ADCY3: variants seen among roughly 807,000 people sequenced by gnomAD.
The protein encoded by ADCY3 is adenylate cyclase 3, also known as adenylate cyclase type 3.
A neutral mutation model predicts 119.4 loss-of-function variants in ADCY3; 70 were observed. The ratio of observed to expected loss-of-function variants is 0.59; its 90% CI spans 0.48 to 0.72. The LOEUF (loss-of-function observed/expected upper bound fraction) is 0.72, where lower values mean the gene tolerates loss of function less well. ADCY3 is among the 30% of genes least tolerant of loss of function. The pLI, the probability that ADCY3 is intolerant of heterozygous loss-of-function variation, is 0.00. For synonymous variants in ADCY3, 672 were observed against 621.4 expected, an observed-to-expected ratio of 1.08 and a Z score of -1.21; for missense variants, 1,238 against 1,541.6, an observed-to-expected ratio of 0.80 and a Z score of 3.30.
At chr2:24,877,833 C>T (rs1483277119) in intron 2 of ADCY3, 9 of 465,544 alleles carry the variant, frequency 1.9e-5, no homozygotes, top group South Asian at 7.8e-5. Flanking sequence ...AGACAGCTGG[C>T]GCTCGAAGCC....
At chr2:24,820,981 G>C (rs759943827) in intron 20 of ADCY3, 133 bp from the exon 21 acceptor site, 5 of 1,316,774 alleles carry the variant, frequency 3.8e-6, no homozygotes, top group Admixed American at 2.3e-5. Flanking sequence ...CAACTTGGCT[G>C]TATGCTATTG....
Position 24,841,450 on chromosome 2 carries a change from A to G in ADCY3, c.1069-64T>C. On this transcript the variant is annotated intron_variant, in intron 5 of 21. Coordinates refer to ENST00000679454, the MANE Select transcript of ADCY3 (RefSeq NM_004036.5). This position sits in a 1 kb window ranked among gnomAD's most constrained non-coding sequence, Gnocchi z 5.8. Reference sequence around the variant, plus strand: ...TCAGTGAGGGAGGAGTGGCCAAGAAAGCAGAGGAAGGACAGTGGGAGAAAA... The same window carrying G: ...TCAGTGAGGGAGGAGTGGCCAAGAAGGCAGAGGAAGGACAGTGGGAGAAAA... 6.3e-7 allele frequency: 1 copy of G among 1,597,246 alleles called. No homozygotes were observed. The highest frequency in any genetic ancestry group is 8.5e-7 in the Non-Finnish European group (1 of 1,170,572).
chr2:24,831,358 C>T (rs78818387), intron 12 of ADCY3, among the ~76,000 whole-genome samples: 4,102 of 152,336 alleles, frequency 0.027, 85 homozygotes, highest in Non-Finnish European at 0.039. Flanking sequence ...TCCACTTCCT[C>T]TCTACCCAGG....
At chr2:24,917,508 T>G (rs1430203438) in intron 2 of ADCY3, among the ~76,000 whole-genome samples, 1 of 152,202 alleles carries the variant, frequency 6.6e-6, no homozygotes, top group Admixed American at 6.5e-5. Context: ...TCAGGTCCCC[T>G]GGTCTCTGCA....
intron 6 of ADCY3, 92 bp from the exon 7 acceptor site, chr2:24,840,123 C>T: frequency 6.7e-7 from 1 of 1,498,518 alleles, no homozygotes; most frequent in South Asian, 1.3e-5. Flanking sequence ...CATTGTGGGC[C>T]TCTTCCCCTC....
intron 16 of ADCY3, among the ~76,000 whole-genome samples, chr2:24,825,186 G>A (rs1668402037): frequency 6.6e-6 from 1 of 152,126 alleles, no homozygotes. Context: ...CGCCATTTGG[G>A]TAAGAAGTGG....
Position 24,873,010 on chromosome 2 carries a change from TC to T in ADCY3, c.676-292del, listed in dbSNP as rs569841456. ...TCAAGCCTGGCTGAGGGGCTGTGGA[TC>T]CCCCCTCCGGCTTCCCAACAAAGCA... On this transcript the variant is annotated intron_variant, in intron 2 of 21. Transcript: ENST00000679454. Among the ~76,000 whole-genome samples, 165 of 152,220 alleles carry T rather than the reference TC, an allele frequency of 1.1e-3. 1 individual carries two copies. The highest frequency in any genetic ancestry group is 3.6e-3 in the African/African-American group (148 of 41,550).
At chr2:24,904,289 G>T (rs1479342554) in intron 2 of ADCY3, among the ~76,000 whole-genome samples, 1 of 152,180 alleles carries the variant, frequency 6.6e-6, no homozygotes, top group Non-Finnish European at 1.5e-5. Flanking sequence ...CAACACTTTG[G>T]AAGGCCCAAA....
At position 24,842,426 on chromosome 2, in the gene ADCY3, G is replaced by A. The variant is rs1355450985; in HGVS notation, c.826-42C>T. On this transcript the variant is annotated intron_variant, in intron 3 of 21. Transcript: ENST00000679454. The surrounding 1 kb of genome is among the most constrained non-coding windows in gnomAD (Gnocchi z 4.9). ...AGGGTCAGAGGCAAAGGTAGGCCCT[G>A]CTAGAGGCAAGTTCAGATACTTCTG... 5 of 1,612,578 alleles carry A rather than the reference G, an allele frequency of 3.1e-6. No individual in the cohort carries two copies. Among genetic ancestry groups the A allele is most frequent in the Non-Finnish European group, 3.4e-6 (4 of 1,179,324 alleles).
chr2:24,848,354 A>G (rs1393448730), intron 3 of ADCY3, among the ~76,000 whole-genome samples: 1 of 152,234 alleles, frequency 6.6e-6, no homozygotes, highest in Admixed American at 6.5e-5. Context: ...TTCGTTTCCC[A>G]TAACGGATAC....
intron 3 of ADCY3, among the ~76,000 whole-genome samples, chr2:24,844,829 G>C (rs988128353): frequency 6.6e-6 from 1 of 152,216 alleles, no homozygotes. Flanking sequence ...ATATGGTTTG[G>C]CTGTGTCCCC....
intron 2 of ADCY3, among the ~76,000 whole-genome samples, chr2:24,903,036 A>G (rs1188884551): frequency 6.6e-6 from 1 of 151,630 alleles, no homozygotes; most frequent in Non-Finnish European, 1.5e-5. Context: ...AGTCCCAGCC[A>G]CTCAGGAGGC....
chr2:24,918,507 G>C lies in ADCY3; in HGVS notation c.481C>G (p.Arg161Gly), dbSNP rs765162350. ...IFSYLGLNFA[R>G]AHAASDTVGW... ...ACCGTGTCACTAGCCGCGTGGGCACGCGCGAAGTTCAGGCCCAGGTAGGAG... is the reference window on the plus strand; with the variant it reads ...ACCGTGTCACTAGCCGCGTGGGCACCCGCGAAGTTCAGGCCCAGGTAGGAG... Residue 161 changes from arginine to glycine, a missense_variant, in exon 2 of 22, where the codon CGT becomes GGT. By Grantham distance (125) the Arg-to-Gly change is moderately radical (BLOSUM62 -2). Transcript: ENST00000679454. The surrounding 1 kb of genome is among the most constrained non-coding windows in gnomAD (Gnocchi z 5.4). 3 of 1,613,988 alleles carry C rather than the reference G, an allele frequency of 1.9e-6. No individual in the cohort carries two copies. The highest frequency in any genetic ancestry group is 1.7e-6 in the Non-Finnish European group (2 of 1,179,960).
At chr2:24,848,231 C>T (rs1558448119) in intron 3 of ADCY3, among the ~76,000 whole-genome samples, 1 of 152,248 alleles carries the variant, frequency 6.6e-6, no homozygotes, top group African/African-American at 2.4e-5. Context: ...GGGTGGAAAA[C>T]CCCTTAACGG....
chr2:24,831,862 G>A (rs1270007146), intron 11 of ADCY3, 113 bp from the exon 12 acceptor site: 1 of 683,942 alleles, frequency 1.5e-6, no homozygotes, highest in Admixed American at 2.3e-5. Flanking sequence ...CAGCGGACAG[G>A]GGGCAGGGGA....
Position 24,872,715 on chromosome 2 carries a change from A to G in ADCY3, c.680T>C (p.Leu227Pro), listed in dbSNP as rs1244550798. The G allele has an allele frequency of 1.2e-6, 2 of 1,613,882 alleles. No individual in the cohort carries two copies. Among genetic ancestry groups the G allele is most frequent in the Non-Finnish European group, 1.7e-6 (2 of 1,179,830 alleles). ...GCACAGGTAGAGGAAGACGTTGGCC[A>G]GGATCTGCACCCCAAGGAAGAAGAG... Reference protein sequence around the residue: ...LKGMQLLREILANVFLYLCAI... With the variant: ...LKGMQLLREIPANVFLYLCAI... The change falls in exon 3 of 22, where the codon CTG becomes CCG. Residue 227 changes from leucine to proline, a missense_variant. Physicochemically the swap from Leu to Pro is moderately conservative, Grantham distance 98. Around this residue, in one of 7 missense-constraint regions of ADCY3, gnomAD observed 283 missense variants for 437.2 expected, o/e 0.65. Coordinates refer to ENST00000679454, the MANE Select transcript of ADCY3 (RefSeq NM_004036.5). The surrounding 1 kb of genome is among the most constrained non-coding windows in gnomAD (Gnocchi z 4.4).
At chr2:24,831,353 T>C (rs1669478981) in intron 12 of ADCY3, among the ~76,000 whole-genome samples, 1 of 152,160 alleles carries the variant, frequency 6.6e-6, no homozygotes, top group Non-Finnish European at 1.5e-5. Context: ...GGCCCTCCAC[T>C]TCCTCTCTAC....
intron 13 of ADCY3, among the ~76,000 whole-genome samples, chr2:24,829,812 G>A (rs1385864209): frequency 1.3e-5 from 2 of 151,444 alleles, no homozygotes; most frequent in Non-Finnish European, 2.9e-5. Flanking sequence ...ATTAGAGGAG[G>A]CCGTGACAAC....
At chr2:24,849,144 C>T (rs1354878974) in intron 3 of ADCY3, among the ~76,000 whole-genome samples, 1 of 152,228 alleles carries the variant, frequency 6.6e-6, no homozygotes, top group Non-Finnish European at 1.5e-5. Flanking sequence ...AGCCACAGCC[C>T]ACACAGGCCT....
Sources: gnomAD v4.1 joint callset for allele counts (sites outside exome capture counted in the v4.1 genomes callset) on GRCh38, gnomAD v4.1.1 for gene constraint, gnomAD v4.1.1 regional missense constraint, Gnocchi (gnomAD v3.1) non-coding constraint, MANE v1.5 for transcripts, NCBI Gene and HGNC (gene_info 2026-07-23, HGNC 2026-07-21) for gene names.